CERT1: variants seen among roughly 807,000 people sequenced by gnomAD.
The protein encoded by CERT1 is ceramide transporter 1.
Under a neutral mutation model 87.9 loss-of-function variants are expected in CERT1, and 31 were observed. The ratio of observed to expected loss-of-function variants is 0.35; its 90% CI spans 0.27 to 0.48. The LOEUF is 0.48. CERT1 is among the 20% of genes least tolerant of loss of function. The probability of loss-of-function intolerance (pLI) is 0.99; values close to 1 mark genes in which losing one functional copy is unlikely to be tolerated. For synonymous variants in CERT1, 289 were observed against 250.9 expected (o/e 1.15, Z -1.44); for missense variants, 487 against 758.0 (o/e 0.64, Z 4.20).
intron 12 of CERT1, among the ~76,000 whole-genome samples, chr5:75,388,077 T>C (rs1267479480): frequency 6.6e-6 from 1 of 152,224 alleles, no homozygotes; most frequent in African/African-American, 2.4e-5. Flanking sequence ...GCGAAGAGCA[T>C]ACATCCTGGC....
intron 8 of CERT1, 104 bp from the exon 9 acceptor site, chr5:75,403,162 T>C: frequency 1.3e-6 from 1 of 743,750 alleles, no homozygotes; most frequent in Non-Finnish European, 2.4e-6. Context: ...TAATAAACAT[T>C]TATTGAACAC....
intron 12 of CERT1, among the ~76,000 whole-genome samples, chr5:75,388,145 T>C (rs542247752): frequency 3.9e-5 from 6 of 152,338 alleles, no homozygotes; most frequent in Admixed American, 1.3e-4. Context: ...TGCTTAATTC[T>C]GGAGTAACAA....
At chr5:75,490,489 C>A (rs938441479) in intron 2 of CERT1, among the ~76,000 whole-genome samples, 12 of 149,170 alleles carry the variant, frequency 8.0e-5, no homozygotes, top group Non-Finnish European at 1.6e-4. Flanking sequence ...AACACCTGTA[C>A]GAAATTTTTA....
At chr5:75,489,027 C>G (rs916582392) in intron 2 of CERT1, among the ~76,000 whole-genome samples, 2 of 152,124 alleles carry the variant, frequency 1.3e-5, no homozygotes, top group Admixed American at 6.6e-5. Context: ...ACCAAAACAG[C>G]ATGGTACTGG....
intron 3 of CERT1, among the ~76,000 whole-genome samples, chr5:75,427,819 A>G (rs1207327014): frequency 6.6e-6 from 1 of 152,118 alleles, no homozygotes; most frequent in Non-Finnish European, 1.5e-5. Flanking sequence ...TTTTTTTTTA[A>G]TACTTAGAGA....
Position 75,416,917 on chromosome 5 carries a change from T to C in CERT1, c.796A>G (p.Met266Val), listed in dbSNP as rs1407846133. The C allele has an allele frequency of 1.2e-6, 2 of 1,612,956 alleles. No homozygotes were observed. Among genetic ancestry groups the C allele is most frequent in the Admixed American group, 1.7e-5 (1 of 59,880 alleles). ...TGCCAGCTGTCCTCACGTTTAACCA[T>C]TAGTTCAATACAATGAGAAAGTGTT... ...LATLSHCIEL[M>V]VKREDSWQKR... The change falls in exon 7 of 17, where the codon ATG becomes GTG. Residue 266 changes from methionine (M) to valine (V), a missense_variant. Met to Val is a conservative substitution (Grantham distance 21). Coordinates refer to ENST00000643780, the MANE Select transcript of CERT1 (RefSeq NM_001379029.1).
At chr5:75,507,071 T>C (rs913553110) in intron 1 of CERT1, among the ~76,000 whole-genome samples, 2 of 152,216 alleles carry the variant, frequency 1.3e-5, no homozygotes, top group Non-Finnish European at 2.9e-5. Flanking sequence ...GAGAAATCTT[T>C]TATTTTTCTG....
At chr5:75,410,120 G>T (rs1370387844) in intron 8 of CERT1, among the ~76,000 whole-genome samples, 2 of 151,960 alleles carry the variant, frequency 1.3e-5, no homozygotes, top group Non-Finnish European at 2.9e-5. Flanking sequence ...TTGTTTAATG[G>T]CAATTACCAA....
chr5:75,379,624 T>G, intron 16 of CERT1, 151 bp from the exon 17 acceptor site: 1 of 738,122 alleles, frequency 1.4e-6, no homozygotes, highest in Non-Finnish European at 2.2e-6. Flanking sequence ...TCTTGCTCTG[T>G]TGCCAGGGTG....
intron 3 of CERT1, among the ~76,000 whole-genome samples, chr5:75,427,320 C>T (rs759805137): frequency 1.3e-5 from 2 of 152,180 alleles, no homozygotes; most frequent in South Asian, 2.1e-4. Context: ...TTAGGCCAGG[C>T]GCGGTGGCTC....
intron 2 of CERT1, among the ~76,000 whole-genome samples, chr5:75,495,966 T>C (rs1345503768): frequency 6.6e-6 from 1 of 151,862 alleles, no homozygotes; most frequent in Non-Finnish European, 1.5e-5. Context: ...AAAAAGAACT[T>C]AGAGCAAAGT....
chr5:75,482,155 A>T (rs2112393785), intron 2 of CERT1, among the ~76,000 whole-genome samples: 1 of 152,270 alleles, frequency 6.6e-6, no homozygotes, highest in East Asian at 1.9e-4. Flanking sequence ...TTTCTAGACC[A>T]GCCCTGGGCC....
chr5:75,509,004 T>A (rs1767788943), intron 1 of CERT1, among the ~76,000 whole-genome samples: 1 of 152,206 alleles, frequency 6.6e-6, no homozygotes. Flanking sequence ...GATAGAATTA[T>A]TGTCTATCTA....
At chr5:75,400,649 A>C (rs189859895) in intron 9 of CERT1, 138 of 183,620 alleles carry the variant, frequency 7.5e-4, no homozygotes, top group African/African-American at 3.0e-3. Context: ...AATCATTCCA[A>C]TGATTCTACC....
rs147186792 is a variant in CERT1 at position 75,400,439 on chromosome 5, C to T, written c.1018-142G>A. The T allele has an allele frequency of 4.9e-4, 275 of 561,716 alleles. 1 individual carries two copies. The highest frequency in any genetic ancestry group is 4.5e-3 in the African/African-American group (239 of 52,658). The allele number at this position is 561,716 out of a possible 1,614,324, so 34.8% of individuals were successfully genotyped here. ...AACCATTAGAATTATGAAACTACTCCGCAGACATGGCAAATCCTGATACTT... is the reference window on the plus strand; with the variant it reads ...AACCATTAGAATTATGAAACTACTCTGCAGACATGGCAAATCCTGATACTT... On this transcript the variant is annotated intron_variant, in intron 9 of 16. Transcript: ENST00000643780.
intron 2 of CERT1, among the ~76,000 whole-genome samples, chr5:75,485,210 G>A (rs1480420504): frequency 6.9e-6 from 1 of 144,450 alleles, no homozygotes; most frequent in African/African-American, 2.6e-5. Flanking sequence ...TTTCACACCA[G>A]TAATCCTAAC....
chr5:75,510,576 G>A (rs1767902908), intron 1 of CERT1, among the ~76,000 whole-genome samples: 1 of 152,106 alleles, frequency 6.6e-6, no homozygotes, highest in Non-Finnish European at 1.5e-5. Flanking sequence ...AAGGTACAGG[G>A]TGAGGGAGAA....
At chr5:75,369,792 C>T (rs983177850) in intron 17 of CERT1, 3 of 152,332 alleles carry the variant, frequency 2.0e-5, no homozygotes, top group African/African-American at 4.8e-5. Context: ...ACTAACCTCA[C>T]AGAATTCTAT....
intron 6 of CERT1, among the ~76,000 whole-genome samples, chr5:75,417,772 G>T (rs148824766): frequency 4.8e-4 from 73 of 152,316 alleles, no homozygotes; most frequent in African/African-American, 1.6e-3. Context: ...AGGATAAAGA[G>T]ATAAGCCACA....
Sources: gnomAD v4.1 joint callset for allele counts (sites outside exome capture counted in the v4.1 genomes callset) on GRCh38, gnomAD v4.1.1 for gene constraint, MANE v1.5 for transcripts, NCBI Gene and HGNC (gene_info 2026-07-23, HGNC 2026-07-21) for gene names.